The following GAS7 variants were observed in gnomAD, a reference collection of about 807,000 sequenced individuals.
GAS7 encodes the protein growth arrest specific 7, also known as growth arrest-specific protein 7.
GAS7 carries 28 observed loss-of-function variants against 71.1 expected under a neutral mutation model. The ratio of observed to expected loss-of-function variants is 0.39; its 90% confidence interval spans 0.29 to 0.54. The LOEUF is 0.54. Ranked by LOEUF, GAS7 falls within the 20% of genes least tolerant of loss-of-function variation. The pLI is 0.62. For synonymous variants in GAS7, 258 were observed against 245.8 expected, an observed-to-expected ratio of 1.05 and a Z score of -0.46; for missense variants, 436 against 627.8, an observed-to-expected ratio of 0.69 and a Z score of 3.27.
intron 2 of GAS7, among the ~76,000 whole-genome samples, chr17:10,018,316 G>A (rs2152203497): frequency 6.6e-6 from 1 of 152,244 alleles, no homozygotes; most frequent in Middle Eastern, 3.4e-3. Flanking sequence ...ATGCCCCTTT[G>A]CAATAGAGTA....
chr17:10,191,217 A>G (rs1254597330), intron 1 of GAS7, among the ~76,000 whole-genome samples: 3 of 151,144 alleles, frequency 2.0e-5, no homozygotes, highest in Non-Finnish European at 2.9e-5. Flanking sequence ...GTTGGGCCCC[A>G]TTCAAAGGCC....
In GAS7 at chr17:10,178,702, C is replaced by CTTTTTTTTTTTTT. The variant is rs397857157; in HGVS notation, c.183+19493_183+19505dup. Among the ~76,000 whole-genome samples, 35 of 34,590 alleles carry CTTTTTTTTTTTTT rather than the reference C, an allele frequency of 1.0e-3. 6 individuals are homozygous for CTTTTTTTTTTTTT. Among genetic ancestry groups the CTTTTTTTTTTTTT allele is most frequent in the Admixed American group, 3.9e-3 (7 of 1,800 alleles). 22.7% of individuals were successfully genotyped at this position (34,590 alleles called of 152,430 possible). On this transcript the variant is annotated intron_variant, in intron 1 of 13. Coordinates refer to ENST00000432992, the MANE Select transcript of GAS7 (RefSeq NM_201433.2). ...TCAACTCCCCTCCCTCCCCCACCAC[C>CTTTTTTTTTTTTT]TTTTTTTTTTTTTTTTTTTTTTTTT...
chr17:9,990,376 G>C (rs1367880844), intron 2 of GAS7, among the ~76,000 whole-genome samples: 1 of 152,242 alleles, frequency 6.6e-6, no homozygotes, highest in African/African-American at 2.4e-5. Flanking sequence ...CCCAGAGCGA[G>C]CGAGCCAGGG....
chr17:10,085,406 G>A (rs996683415), intron 1 of GAS7, among the ~76,000 whole-genome samples: 4 of 152,096 alleles, frequency 2.6e-5, no homozygotes, highest in South Asian at 2.1e-4. Flanking sequence ...CATACCAGCC[G>A]GGCGCAGTGG....
chr17:10,067,301 G>A (rs2152245135), intron 1 of GAS7, among the ~76,000 whole-genome samples: 1 of 152,240 alleles, frequency 6.6e-6, no homozygotes, highest in African/African-American at 2.4e-5. Flanking sequence ...CTGGAGTGTA[G>A]TGGCGCGATC....
At chr17:10,075,275 G>C (rs980559902) in intron 1 of GAS7, among the ~76,000 whole-genome samples, 1 of 151,726 alleles carries the variant, frequency 6.6e-6, no homozygotes, top group Non-Finnish European at 1.5e-5. Flanking sequence ...AGAATCGCTT[G>C]AACCCAGGAG....
chr17:9,951,612 C>T (rs1567813949), intron 5 of GAS7, among the ~76,000 whole-genome samples: 1 of 152,060 alleles, frequency 6.6e-6, no homozygotes, highest in East Asian at 1.9e-4. Context: ...CAAAATTAGC[C>T]AGGCTTGGTG....
At chr17:10,070,467 G>A (rs1265235136) in intron 1 of GAS7, among the ~76,000 whole-genome samples, 3 of 150,702 alleles carry the variant, frequency 2.0e-5, no homozygotes, top group East Asian at 2.0e-4. Flanking sequence ...AGGTTCAAGC[G>A]ATTCTCCTGC....
At chr17:10,086,377 G>A (rs2073519665) in intron 1 of GAS7, among the ~76,000 whole-genome samples, 1 of 152,180 alleles carries the variant, frequency 6.6e-6, no homozygotes, top group African/African-American at 2.4e-5. Context: ...GATAAGCGGG[G>A]TCTATGAGTG....
chr17:9,993,686 T>C (rs1242763455), intron 2 of GAS7, among the ~76,000 whole-genome samples: 2 of 150,440 alleles, frequency 1.3e-5, no homozygotes, highest in Non-Finnish European at 3.0e-5. Flanking sequence ...CCAGGGCAAT[T>C]AGGCAGGAGA....
At chr17:9,952,112 T>A (rs2069043069) in intron 5 of GAS7, among the ~76,000 whole-genome samples, 1 of 152,154 alleles carries the variant, frequency 6.6e-6, no homozygotes, top group Admixed American at 6.5e-5. Flanking sequence ...GAGTCGAGGA[T>A]GAACATGCCT....
intron 1 of GAS7, among the ~76,000 whole-genome samples, chr17:10,101,459 T>C (rs1179450702): frequency 6.6e-6 from 1 of 152,220 alleles, no homozygotes; most frequent in Non-Finnish European, 1.5e-5. Flanking sequence ...CAAGTTACTG[T>C]GTCCCGCCCA....
At chr17:10,005,138 C>CATGCATGTGCGT (rs2071437991) in intron 2 of GAS7, among the ~76,000 whole-genome samples, 3 of 149,874 alleles carry the variant, frequency 2.0e-5, no homozygotes, top group African/African-American at 7.4e-5. Flanking sequence ...AGCATGTGTG[C>CATGCATGTGCGT]GCGCACGCAT....
intron 1 of GAS7, among the ~76,000 whole-genome samples, chr17:10,033,231 T>C (rs990348249): frequency 2.0e-5 from 3 of 152,162 alleles, no homozygotes; most frequent in Non-Finnish European, 4.4e-5. Flanking sequence ...AGGGAGTTCC[T>C]GGAAGGGTGA....
intron 3 of GAS7, among the ~76,000 whole-genome samples, chr17:9,972,301 A>G (rs1441557327): frequency 6.6e-6 from 1 of 152,250 alleles, no homozygotes; most frequent in Non-Finnish European, 1.5e-5. Context: ...TGAGGGGGCC[A>G]AGGAGAATCC....
intron 1 of GAS7, among the ~76,000 whole-genome samples, chr17:10,181,059 G>C (rs2074410392): frequency 1.4e-5 from 2 of 138,140 alleles, no homozygotes; most frequent in Admixed American, 7.4e-5. Context: ...GGGGGTGGGG[G>C]GTGGCAGTGC....
At chr17:10,016,095 A>G (rs796603063) in intron 2 of GAS7, among the ~76,000 whole-genome samples, 1 of 152,170 alleles carries the variant, frequency 6.6e-6, no homozygotes, top group Non-Finnish European at 1.5e-5. Context: ...CAGATAAACA[A>G]TAAGTTAAGG....
intron 1 of GAS7, among the ~76,000 whole-genome samples, chr17:10,035,617 C>T (rs1240003390): frequency 6.6e-6 from 1 of 152,120 alleles, no homozygotes; most frequent in East Asian, 1.9e-4. Flanking sequence ...CAAAACAGGC[C>T]AGCCTTTCCA....
At chr17:9,946,797 C>A in intron 6 of GAS7, 97 bp downstream of exon 6, 1 of 710,670 alleles carries the variant, frequency 1.4e-6, no homozygotes, top group Non-Finnish European at 2.5e-6. Context: ...ACGAGAAAGG[C>A]CCCTCCACTT....
Sources: gnomAD v4.1 joint callset for allele counts (sites outside exome capture counted in the v4.1 genomes callset) on GRCh38, gnomAD v4.1.1 for gene constraint, MANE v1.5 for transcripts, NCBI Gene and HGNC (gene_info 2026-07-23, HGNC 2026-07-21) for gene names.